The following SHROOM2 variants were observed in gnomAD, a reference collection of about 807,000 sequenced individuals.
SHROOM2 encodes shroom family member 2, also known as protein Shroom2.
Under a neutral mutation model 75.9 loss-of-function variants are expected in SHROOM2, and 33 were observed. The ratio of observed to expected loss-of-function variants is 0.43; its 90% CI spans 0.33 to 0.58. SHROOM2 has a LOEUF of 0.58. SHROOM2 is among the 20% of genes least tolerant of loss of function. The pLI is 0.04. For missense variants in SHROOM2, 1,434 were observed against 1,461.2 expected (o/e 0.98, Z 0.30); for synonymous variants, 655 against 663.6 (o/e 0.99, Z 0.20).
chrX:9,871,012 A>G (rs767750177), intron 1 of SHROOM2, among the ~76,000 whole-genome samples: 6 of 111,804 alleles, frequency 5.4e-5, no homozygotes, highest in African/African-American at 1.9e-4. Flanking sequence ...GTCTTTCAAC[A>G]AGGTGGAATT....
intron 8 of SHROOM2, among the ~76,000 whole-genome samples, chrX:9,941,949 T>C (rs1024002888): frequency 2.4e-5 from 2 of 84,891 alleles, no homozygotes; most frequent in African/African-American, 9.2e-5. Context: ...CCAGCCTGGG[T>C]GGCAGAGCAG....
At chrX:9,908,892 CT>C (rs1442079515) in intron 5 of SHROOM2, among the ~76,000 whole-genome samples, 2 of 109,944 alleles carry the variant, frequency 1.8e-5, no homozygotes, top group Non-Finnish European at 3.8e-5. Flanking sequence ...CTGCAGTGAG[CT>C]ATGATGGTGC....
chrX:9,946,567 C>T (rs2084820842), intron 9 of SHROOM2, 104 bp from the exon 10 acceptor site: 4 of 766,550 alleles, frequency 5.2e-6, no homozygotes, highest in Admixed American at 6.9e-5. Context: ...GGGTTTCCAT[C>T]GATAAGTTGT....
chrX:9,916,624 A>T (rs750487496), intron 5 of SHROOM2, among the ~76,000 whole-genome samples: 1 of 112,493 alleles, frequency 8.9e-6, no homozygotes, highest in South Asian at 3.7e-4. Context: ...AGACATTTTT[A>T]AAATTCTGTG....
intron 1 of SHROOM2, among the ~76,000 whole-genome samples, chrX:9,827,127 G>T (rs888730828): frequency 4.5e-5 from 5 of 111,241 alleles, no homozygotes; most frequent in Admixed American, 9.6e-5. Context: ...AGGGGCAGGG[G>T]CAGGTATTGG....
chrX:9,937,683 G>C lies in SHROOM2; in HGVS notation c.4137G>C (p.Glu1379Asp), dbSNP rs1268144605. ...PKIPSPRSTE[E>D]RKEEPSVPAA... ...TCCCCTCTCCTAGAAGCACAGAGGA[G>C]AGGTGAGTAGGCGTGGCCTCCCAGC... Residue 1379 changes from glutamate (E) to aspartate (D), a missense_variant and splice_region_variant, in exon 7 of 10, where the codon GAG (glutamate) becomes GAC (aspartate). Around this residue, in one of 3 missense-constraint regions of SHROOM2, gnomAD observed 1,340 missense variants for 1,338.3 expected, o/e 1.00. Coordinates refer to ENST00000380913, the MANE Select transcript of SHROOM2 (RefSeq NM_001649.4). The C allele has an allele frequency of 1.7e-6, 2 of 1,172,402 alleles. No individual in the cohort carries two copies. The highest frequency in any genetic ancestry group is 1.8e-5 in the African/African-American group (1 of 56,370).
intron 5 of SHROOM2, among the ~76,000 whole-genome samples, chrX:9,920,446 A>G (rs1203455764): frequency 1.8e-5 from 2 of 112,149 alleles, no homozygotes; most frequent in African/African-American, 6.5e-5. Flanking sequence ...ACTCAAATTC[A>G]TACATTGCTT....
intron 5 of SHROOM2, among the ~76,000 whole-genome samples, chrX:9,900,037 G>A (rs1471395025): frequency 1.8e-5 from 2 of 111,774 alleles, no homozygotes; most frequent in Non-Finnish European, 3.8e-5. Flanking sequence ...GTGAGTGAGT[G>A]AATGGCACTG....
intron 1 of SHROOM2, among the ~76,000 whole-genome samples, chrX:9,802,800 T>A (rs747702574): frequency 1.8e-5 from 2 of 111,762 alleles, no homozygotes; most frequent in South Asian, 7.6e-4. Flanking sequence ...GTCCCCTTCC[T>A]TTTTATGAGG....
chrX:9,895,190 C>CA lies in SHROOM2; in HGVS notation c.1283dup (p.His428GlnfsTer14), dbSNP rs767249599. The CA allele has an allele frequency of 2.5e-6, 3 of 1,211,574 alleles. No individual in the cohort carries two copies. The highest frequency in any genetic ancestry group is 2.2e-6 in the Non-Finnish European group (2 of 895,376). Reference sequence around the variant, plus strand: ...CCCTCAGTCTCCTCATAGCGGCCGACACCCTCCCCTATACAGCGACCACAG... The same window carrying CA: ...CCCTCAGTCTCCTCATAGCGGCCGACAACCCTCCCCTATACAGCGACCACAG... On this transcript the variant is annotated frameshift_variant, in exon 4 of 10. Transcript: ENST00000380913. LOFTEE classifies it high-confidence loss of function.
In SHROOM2 at chrX:9,937,219, A is replaced by T; in HGVS notation, c.3673A>T (p.Ser1225Cys). Residue 1225 changes from serine to cysteine, a missense_variant, in exon 7 of 10, where the codon AGC becomes TGC. By Grantham distance (112) the Ser-to-Cys change is moderately radical (BLOSUM62 -1). Coordinates refer to ENST00000380913, the MANE Select transcript of SHROOM2 (RefSeq NM_001649.4). ...VHSESQPEKE[S>C]RQSLACPAEP... ...CTCGGAGAGCCAGCCAGAGAAGGAG[A>T]GCCGCCAGAGCCTGGCATGCCCCGC... 8.3e-7 allele frequency: 1 copy of T among 1,205,012 alleles called. No individual in the cohort carries two copies. Among genetic ancestry groups the T allele is most frequent in the Admixed American group, 2.2e-5 (1 of 45,331 alleles).
At chrX:9,838,828 G>T (rs1460146089) in intron 1 of SHROOM2, among the ~76,000 whole-genome samples, 2 of 111,732 alleles carry the variant, frequency 1.8e-5, no homozygotes, top group African/African-American at 3.3e-5. Flanking sequence ...CCATCCACTG[G>T]GATGCAGCTT....
intron 1 of SHROOM2, among the ~76,000 whole-genome samples, chrX:9,868,608 A>T (rs1044539604): frequency 9.2e-6 from 1 of 109,141 alleles, no homozygotes; most frequent in Non-Finnish European, 1.9e-5. Flanking sequence ...GGTTGGCATG[A>T]TAACGGCTCA....
chrX:9,928,395 T>A (rs2084615415), intron 5 of SHROOM2, among the ~76,000 whole-genome samples: 1 of 113,020 alleles, frequency 8.8e-6, no homozygotes, highest in African/African-American at 3.2e-5. Context: ...AACTTCCTGC[T>A]GCAGTTGATT....
At chrX:9,792,022 A>G (rs1286710764) in intron 1 of SHROOM2, among the ~76,000 whole-genome samples, 17 of 65 alleles carry the variant, frequency 0.26, 1 homozygote, top group African/African-American at 0.3. Context: ...AATAGAATAG[A>G]ATAGAATAGA....
intron 1 of SHROOM2, chrX:9,819,461 G>C: frequency 3.2e-6 from 1 of 308,611 alleles, no homozygotes; most frequent in South Asian, 7.0e-5. Context: ...GGTTGACGTT[G>C]ACAGACATTT....
rs142155332 is a variant in SHROOM2 at position 9,920,730 on chromosome X, C to T, written c.2892-11445C>T. On this transcript the variant is annotated intron_variant, in intron 5 of 9. Transcript: ENST00000380913. ...ATCCAGTTAGGGTACTGATTGTGCCCATATCAGATTTTTAGAAGCAGATAA... is the reference window on the plus strand; with the variant it reads ...ATCCAGTTAGGGTACTGATTGTGCCTATATCAGATTTTTAGAAGCAGATAA... Among the ~76,000 whole-genome samples, 947 of 111,828 alleles carry T rather than the reference C, an allele frequency of 8.5e-3. 11 individuals are homozygous for T. The highest frequency in any genetic ancestry group is 0.029 in the African/African-American group (894 of 30,749).
intron 1 of SHROOM2, among the ~76,000 whole-genome samples, chrX:9,792,496 C>T (rs2083672579): frequency 1.9e-5 from 2 of 103,628 alleles, no homozygotes; most frequent in Non-Finnish European, 3.9e-5. Context: ...AAATCCCCAG[C>T]GTATTAAGTT....
chrX:9,799,693 CCT>C lies in SHROOM2; in HGVS notation c.165+12993_165+12994del, dbSNP rs897957861. ...ATTTCTTGAAGGTCCTTTTATCTGT[CCT>C]CTCTCTCTCATCTAGGTGGTCTCAT... On this transcript the variant is annotated intron_variant, in intron 1 of 9. Transcript: ENST00000380913. Among the ~76,000 whole-genome samples, 5 of 109,256 alleles carry C rather than the reference CCT, an allele frequency of 4.6e-5. No homozygotes were observed. The Admixed American group carries it at 5.0e-4, about 11-fold the overall frequency. The allele number at this position is 109,256 out of a possible 115,157, so 94.9% of individuals were successfully genotyped here. A position where few individuals can be genotyped will look rare whatever the true frequency, so the allele number is the denominator to read the frequency against.
Sources: gnomAD v4.1 joint callset for allele counts (sites outside exome capture counted in the v4.1 genomes callset) on GRCh38, gnomAD v4.1.1 for gene constraint, gnomAD v4.1.1 regional missense constraint, MANE v1.5 for transcripts, NCBI Gene and HGNC (gene_info 2026-07-23, HGNC 2026-07-21) for gene names.